MAF: variants seen among roughly 807,000 people sequenced by gnomAD.
MAF encodes transcription factor Maf.
Under a neutral mutation model 22.0 loss-of-function variants are expected in MAF, and 10 were observed. That is an observed-to-expected ratio of 0.45 (90% CI 0.28 to 0.77). The LOEUF is 0.77. Among genes scored for constraint, MAF ranks in the 30% least tolerant of loss-of-function variants. MAF has a pLI of 0.12. For missense variants in MAF, 544 were observed against 548.4 expected (o/e 0.99, Z 0.08); for synonymous variants, 337 against 255.8 (o/e 1.32, Z -3.03).
At chr16:79,232,862 A>T in the MAF span, among the ~76,000 whole-genome samples, 3 of 130,308 alleles carry the variant, frequency 2.3e-5, no homozygotes, top group African/African-American at 3.0e-5. Flanking sequence ...TTTTTTTGAG[A>T]CAGAGTCTCA....
chr16:79,410,168 C>T, the MAF span, among the ~76,000 whole-genome samples: 2 of 152,178 alleles, frequency 1.3e-5, no homozygotes, highest in Admixed American at 6.5e-5. Context: ...GTAACCAATC[C>T]AGCCGTTCCG....
the MAF span, among the ~76,000 whole-genome samples, chr16:79,377,739 T>C: frequency 6.6e-6 from 1 of 152,218 alleles, no homozygotes; most frequent in Non-Finnish European, 1.5e-5. Flanking sequence ...TTCAGCTTTC[T>C]ACATATGGCT....
At chr16:79,220,272 AAAG>A in the MAF span, among the ~76,000 whole-genome samples, 16 of 151,238 alleles carry the variant, frequency 1.1e-4, no homozygotes, top group Non-Finnish European at 2.4e-4. Context: ...AAAAAAAAAA[AAAG>A]TTAAAGTTAA....
At chr16:79,588,822 A>T (rs1362026496) in intron 1 of MAF, among the ~76,000 whole-genome samples, 2 of 152,162 alleles carry the variant, frequency 1.3e-5, no homozygotes, top group African/African-American at 4.8e-5. Flanking sequence ...AGGAAAAAAT[A>T]AATGAATAAA....
At chr16:79,222,127 C>G in the MAF span, among the ~76,000 whole-genome samples, 1 of 152,018 alleles carries the variant, frequency 6.6e-6, no homozygotes, top group African/African-American at 2.4e-5. Context: ...GATCTCTCGG[C>G]AGAAACCCTA....
the MAF span, among the ~76,000 whole-genome samples, chr16:79,336,197 T>C: frequency 6.6e-6 from 1 of 152,238 alleles, no homozygotes; most frequent in Non-Finnish European, 1.5e-5. Context: ...AGAATCGTAG[T>C]AATGAATAAC....
At chr16:79,358,609 G>A in the MAF span, among the ~76,000 whole-genome samples, 1 of 152,204 alleles carries the variant, frequency 6.6e-6, no homozygotes, top group South Asian at 2.1e-4. Flanking sequence ...ATGTGAACAA[G>A]TCACTTTACT....
At chr16:79,595,978 T>C (rs1034765511) in intron 1 of MAF, 38 of 1,061,320 alleles carry the variant, frequency 3.6e-5, no homozygotes, top group Admixed American at 5.4e-5. Context: ...TGTTAAATCT[T>C]GTCAGGCCTT....
At chr16:79,255,294 T>C in the MAF span, among the ~76,000 whole-genome samples, 5 of 152,246 alleles carry the variant, frequency 3.3e-5, no homozygotes, top group Non-Finnish European at 7.3e-5. Flanking sequence ...CGACCTGTCA[T>C]GGTCCCTCTG....
At chr16:79,308,567 T>C in the MAF span, among the ~76,000 whole-genome samples, 2 of 152,222 alleles carry the variant, frequency 1.3e-5, no homozygotes, top group Non-Finnish European at 2.9e-5. Context: ...TAAAGTATGC[T>C]TTATTCTGTG....
chr16:79,247,520 T>C, the MAF span, among the ~76,000 whole-genome samples: 1 of 152,156 alleles, frequency 6.6e-6, no homozygotes, highest in African/African-American at 2.4e-5. Flanking sequence ...TTTGTGAAAT[T>C]AGGCACTTGG....
chr16:79,410,270 G>A, the MAF span, among the ~76,000 whole-genome samples: 15 of 152,298 alleles, frequency 9.8e-5, no homozygotes, highest in African/African-American at 3.6e-4. Context: ...CTGTGAATCT[G>A]TTGTGATTCT....
chr16:79,213,399 G>A, the MAF span, among the ~76,000 whole-genome samples: 1 of 152,152 alleles, frequency 6.6e-6, no homozygotes, highest in African/African-American at 2.4e-5. Flanking sequence ...CAGGACCTTT[G>A]AAACTATGAA....
the MAF span, among the ~76,000 whole-genome samples, chr16:79,502,385 G>A: frequency 1.3e-5 from 2 of 152,108 alleles, no homozygotes; most frequent in Admixed American, 6.5e-5. Context: ...GACTCATCAG[G>A]CTAGGCACAG....
At chr16:79,545,364 G>A in the MAF span, among the ~76,000 whole-genome samples, 124 of 152,178 alleles carry the variant, frequency 8.1e-4, no homozygotes, top group African/African-American at 2.9e-3. Flanking sequence ...CATGCAAAAC[G>A]ACAATGCAAG....
chr16:79,251,770 T>A, the MAF span, among the ~76,000 whole-genome samples: 18 of 152,366 alleles, frequency 1.2e-4, no homozygotes, highest in African/African-American at 3.8e-4. Context: ...GGGCTGGGTC[T>A]TCCCCTGACC....
the MAF span, among the ~76,000 whole-genome samples, chr16:79,392,927 C>T: frequency 1.3e-5 from 2 of 152,208 alleles, no homozygotes; most frequent in African/African-American, 4.8e-5. Context: ...CAAATGGAGA[C>T]ACCCCAGTAA....
chr16:79,546,885 G>A, the MAF span, among the ~76,000 whole-genome samples: 36 of 151,862 alleles, frequency 2.4e-4, no homozygotes. Flanking sequence ...TTTATGAATT[G>A]GAAACTAATT....
the MAF span, among the ~76,000 whole-genome samples, chr16:79,270,350 C>T: frequency 6.6e-6 from 1 of 152,172 alleles, no homozygotes; most frequent in Admixed American, 6.5e-5. Context: ...AAAGTAGTAG[C>T]AAGGCTTGCA....
Sources: gnomAD v4.1 joint callset for allele counts (sites outside exome capture counted in the v4.1 genomes callset) on GRCh38, gnomAD v4.1.1 for gene constraint, MANE v1.5 for transcripts, NCBI Gene and HGNC (gene_info 2026-07-23, HGNC 2026-07-21) for gene names.